Variants in TAFA2 observed in about 807,000 individuals in gnomAD.
The protein encoded by TAFA2 is chemokine-like protein TAFA-2.
Under a neutral mutation model 18.8 loss-of-function variants are expected in TAFA2, and 7 were observed. That is an observed-to-expected ratio of 0.37 (90% CI 0.21 to 0.70). TAFA2 has a LOEUF of 0.70. TAFA2 is among the 30% of genes least tolerant of loss of function. The pLI is 0.53. For synonymous variants in TAFA2, 60 were observed against 54.2 expected, an observed-to-expected ratio of 1.11 and a Z score of -0.47; for missense variants, 122 against 158.1, an observed-to-expected ratio of 0.77 and a Z score of 1.23.
At chr12:62,220,852 A>G (rs1255120734) in intron 1 of TAFA2, among the ~76,000 whole-genome samples, 1 of 152,128 alleles carries the variant, frequency 6.6e-6, no homozygotes, top group Non-Finnish European at 1.5e-5. Context: ...TCACGCCTGT[A>G]AGACCAGCAC....
At chr12:61,742,331 G>T (rs913584387) in intron 4 of TAFA2, among the ~76,000 whole-genome samples, 4 of 152,100 alleles carry the variant, frequency 2.6e-5, no homozygotes, top group Admixed American at 6.5e-5. Context: ...AATAAAACAA[G>T]TAATGTTCAT....
intron 1 of TAFA2, among the ~76,000 whole-genome samples, chr12:61,980,864 T>G (rs1244679873): frequency 6.6e-6 from 1 of 152,168 alleles, no homozygotes; most frequent in African/African-American, 2.4e-5. Flanking sequence ...ATCAATATCG[T>G]GAAAATGGCC....
At chr12:61,743,196 C>G (rs1364593384) in intron 4 of TAFA2, among the ~76,000 whole-genome samples, 2 of 151,962 alleles carry the variant, frequency 1.3e-5, no homozygotes, top group South Asian at 2.1e-4. Context: ...TTCCGTCATG[C>G]CTTCATATAA....
rs1414062947 is a variant in TAFA2 at position 62,153,032 on chromosome 12, TA to T, written c.-2+38226del. Reference sequence around the variant, plus strand: ...CCACCGCCTCACCCAGCTTTTGGCATAAAAAAGACATTCAATAATTTTTTTA... The same window carrying T: ...CCACCGCCTCACCCAGCTTTTGGCATAAAAAGACATTCAATAATTTTTTTA... On this transcript the variant is annotated intron_variant, in intron 1 of 4. Coordinates refer to ENST00000416284, the MANE Select transcript of TAFA2 (RefSeq NM_178539.5). Among the ~76,000 whole-genome samples, 4 of 152,232 alleles carry T rather than the reference TA, an allele frequency of 2.6e-5. No homozygotes were observed. The South Asian group carries it at 8.3e-4, about 32-fold the overall frequency.
At chr12:62,212,101 T>C (rs2062716328) in intron 1 of TAFA2, among the ~76,000 whole-genome samples, 1 of 152,222 alleles carries the variant, frequency 6.6e-6, no homozygotes, top group African/African-American at 2.4e-5. Context: ...GGTAATAATT[T>C]AATTATCCTT....
chr12:61,995,944 G>A (rs1346886495), intron 1 of TAFA2, among the ~76,000 whole-genome samples: 1 of 151,872 alleles, frequency 6.6e-6, no homozygotes, highest in Non-Finnish European at 1.5e-5. Context: ...TGAATTGTAT[G>A]GTATGTAAAT....
In TAFA2 at chr12:62,117,424, T is replaced by G. The variant is rs73123998; in HGVS notation, c.-2+73835A>C. 3.7e-3 allele frequency among the ~76,000 whole-genome samples: 570 copies of G among 152,328 alleles called. 4 individuals carry two copies. The highest frequency in any genetic ancestry group is 0.022 in the South Asian group (105 of 4,826). On this transcript the variant is annotated intron_variant, in intron 1 of 4. Transcript: ENST00000416284. Reference sequence around the variant, plus strand: ...AATATAAAAAAAAAGTGGTGCATTTTAGGAACTATGTTTTAGTAAATTAGA... The same window carrying G: ...AATATAAAAAAAAAGTGGTGCATTTGAGGAACTATGTTTTAGTAAATTAGA...
At chr12:61,951,706 A>G (rs1219619430) in intron 1 of TAFA2, among the ~76,000 whole-genome samples, 1 of 152,084 alleles carries the variant, frequency 6.6e-6, no homozygotes, top group Non-Finnish European at 1.5e-5. Context: ...TCCGGATGAC[A>G]CTAAGGCATA....
chr12:62,002,873 A>T (rs995004797), intron 1 of TAFA2, among the ~76,000 whole-genome samples: 17 of 151,992 alleles, frequency 1.1e-4, no homozygotes, highest in African/African-American at 4.1e-4. Flanking sequence ...TTTCTACCTT[A>T]TTCCTTCCAG....
At chr12:62,252,331 G>A (rs1345952295) in intron 1 of TAFA2, 1 of 152,226 alleles carries the variant, frequency 6.6e-6, no homozygotes, top group Non-Finnish European at 1.5e-5. Flanking sequence ...TGCCAGGATG[G>A]TGACTGCTCT....
chr12:61,721,481 G>C (rs568795241), intron 4 of TAFA2, among the ~76,000 whole-genome samples: 1 of 152,240 alleles, frequency 6.6e-6, no homozygotes, highest in African/African-American at 2.4e-5. Flanking sequence ...GGTGATAAAT[G>C]GAACCAAGTC....
chr12:61,901,993 T>C (rs1164436396), intron 1 of TAFA2, among the ~76,000 whole-genome samples: 1 of 151,732 alleles, frequency 6.6e-6, no homozygotes, highest in African/African-American at 2.4e-5. Flanking sequence ...TTATAGGACT[T>C]AGCTAGCTAT....
At position 61,879,942 on chromosome 12, in the gene TAFA2, A is replaced by C. The variant is rs965865032; in HGVS notation, c.-1-12516T>G. The C allele has an allele frequency of 2.5e-5, 22 of 896,544 alleles. No individual in the cohort carries two copies. In the Admixed American group the frequency reaches 3.7e-4, roughly 15 times the overall value. 55.5% of individuals were successfully genotyped at this position (896,544 alleles called of 1,614,324 possible). A position where few individuals can be genotyped will look rare whatever the true frequency, so the allele number is the denominator to read the frequency against. On this transcript the variant is annotated intron_variant, in intron 1 of 4. Coordinates refer to ENST00000416284, the MANE Select transcript of TAFA2 (RefSeq NM_178539.5). ...GATGTGGATGAAGCTTACAAGAACA[A>C]GGTAGAGCTGGAGTCTCACCTGGAA...
chr12:61,771,252 T>G (rs913490366), intron 2 of TAFA2, among the ~76,000 whole-genome samples: 5 of 151,450 alleles, frequency 3.3e-5, no homozygotes, highest in Admixed American at 1.3e-4. Flanking sequence ...TATAAAACAA[T>G]TACTACTAGG....
chr12:61,864,342 T>C (rs1432886236), intron 2 of TAFA2, among the ~76,000 whole-genome samples: 3 of 149,616 alleles, frequency 2.0e-5, no homozygotes, highest in African/African-American at 7.3e-5. Flanking sequence ...TATAGAAATA[T>C]ATGGTATATA....
chr12:62,036,269 C>T (rs1276288291), intron 1 of TAFA2, among the ~76,000 whole-genome samples: 1 of 152,098 alleles, frequency 6.6e-6, no homozygotes, highest in Admixed American at 6.5e-5. Flanking sequence ...CTTTATTCTG[C>T]CAGCAATAAG....
At chr12:61,988,323 A>G (rs917635064) in intron 1 of TAFA2, among the ~76,000 whole-genome samples, 2 of 152,290 alleles carry the variant, frequency 1.3e-5, no homozygotes, top group African/African-American at 4.8e-5. Context: ...AAAATGCCCC[A>G]AGATTTGGAA....
intron 1 of TAFA2, among the ~76,000 whole-genome samples, chr12:61,944,382 A>T (rs1333353680): frequency 6.9e-6 from 1 of 145,504 alleles, no homozygotes; most frequent in Admixed American, 6.8e-5. Context: ...CCCTAACATC[A>T]CAATTAAAAG....
chr12:62,105,070 G>A (rs755392711), intron 1 of TAFA2: 5 of 185,430 alleles, frequency 2.7e-5, no homozygotes, highest in South Asian at 9.9e-5. Flanking sequence ...GTTTTGTTTT[G>A]TTTTCTACAG....
Sources: gnomAD v4.1 joint callset for allele counts (sites outside exome capture counted in the v4.1 genomes callset) on GRCh38, gnomAD v4.1.1 for gene constraint, MANE v1.5 for transcripts, NCBI Gene and HGNC (gene_info 2026-07-23, HGNC 2026-07-21) for gene names.